Variants in ERC1 observed in about 807,000 individuals in gnomAD.
ERC1 encodes RAB6 interacting protein 2.
In ERC1, 56 loss-of-function variants were observed where a neutral mutation model predicts 132.0. The ratio of observed to expected loss-of-function variants is 0.42; its 90% CI spans 0.34 to 0.53. The LOEUF (loss-of-function observed/expected upper bound fraction) is 0.53, where lower values mean the gene tolerates loss of function less well. ERC1 is among the 20% of genes least tolerant of loss of function. ERC1 has a pLI of 0.03. For missense variants in ERC1, 1,202 were observed against 1,349.9 expected, an observed-to-expected ratio of 0.89 and a Z score of 1.72; for synonymous variants, 478 against 476.1, an observed-to-expected ratio of 1.00 and a Z score of -0.05.
chr12:1,427,337 G>T (rs962159931), intron 17 of ERC1, among the ~76,000 whole-genome samples: 1 of 152,134 alleles, frequency 6.6e-6, no homozygotes, highest in Non-Finnish European at 1.5e-5. Flanking sequence ...TTGGAGGAGA[G>T]ATTTATAGTC....
At chr12:1,138,095 C>CATATTATAATATAATTATATTTAATA (rs1335867512) in intron 7 of ERC1, among the ~76,000 whole-genome samples, 40 of 121,660 alleles carry the variant, frequency 3.3e-4, no homozygotes, top group Non-Finnish European at 5.8e-4. Context: ...AATATATAAT[C>CATATTATAATATAATTATATTTAATA]CATATTATAA....
chr12:1,274,368 A>C (rs1277244615), intron 14 of ERC1, among the ~76,000 whole-genome samples: 1 of 152,226 alleles, frequency 6.6e-6, no homozygotes, highest in Admixed American at 6.5e-5. Context: ...ATACTTTAAA[A>C]TTTGATCCAT....
intron 12 of ERC1, among the ~76,000 whole-genome samples, chr12:1,191,755 C>A (rs1324292386): frequency 6.6e-6 from 1 of 151,718 alleles, no homozygotes; most frequent in Non-Finnish European, 1.5e-5. Context: ...GAATGTAACT[C>A]TTATAAAAGT....
At chr12:1,219,998 A>C (rs954590145) in intron 12 of ERC1, among the ~76,000 whole-genome samples, 2 of 151,994 alleles carry the variant, frequency 1.3e-5, no homozygotes, top group Non-Finnish European at 2.9e-5. Flanking sequence ...GCTTCTTGCC[A>C]CCCCTGTAAC....
chr12:1,109,190 G>A (rs904699276), intron 4 of ERC1, among the ~76,000 whole-genome samples: 6 of 152,136 alleles, frequency 3.9e-5, no homozygotes, highest in East Asian at 1.9e-4. Flanking sequence ...TAGGTACTGC[G>A]ACAAACAAAA....
chr12:1,127,325 A>AT (rs1948298105), intron 7 of ERC1, among the ~76,000 whole-genome samples: 1 of 152,174 alleles, frequency 6.6e-6, no homozygotes, highest in Admixed American at 6.5e-5. Context: ...ACAAAAGGAC[A>AT]TGTATAAGGA....
At chr12:1,308,648 A>C (rs1460127011) in intron 15 of ERC1, among the ~76,000 whole-genome samples, 2 of 152,230 alleles carry the variant, frequency 1.3e-5, no homozygotes, top group Non-Finnish European at 2.9e-5. Flanking sequence ...CATATTAGTA[A>C]TAATAAATTG....
intron 12 of ERC1, among the ~76,000 whole-genome samples, chr12:1,222,083 G>T (rs943998864): frequency 4.6e-5 from 7 of 152,072 alleles, no homozygotes; most frequent in Non-Finnish European, 7.3e-5. Flanking sequence ...TTACACAGTG[G>T]CATTTGTGTA....
At chr12:1,488,070 G>T (rs1463027625) in intron 18 of ERC1, among the ~76,000 whole-genome samples, 2 of 151,288 alleles carry the variant, frequency 1.3e-5, no homozygotes, top group Admixed American at 6.6e-5. Flanking sequence ...CCTGGGAGGC[G>T]GAGGTTGCAG....
intron 2 of ERC1, among the ~76,000 whole-genome samples, chr12:1,035,473 T>G (rs140669699): frequency 1.4e-3 from 213 of 152,378 alleles, no homozygotes; most frequent in African/African-American, 4.7e-3. Context: ...GTTACTGAAC[T>G]TTCAAATACT....
chr12:1,076,109 A>C (rs1316568486), intron 2 of ERC1, among the ~76,000 whole-genome samples: 1 of 152,190 alleles, frequency 6.6e-6, no homozygotes, highest in Non-Finnish European at 1.5e-5. Flanking sequence ...TTGTTAATTT[A>C]AAATTTGTAA....
At chr12:1,468,991 C>G (rs144039035) in intron 18 of ERC1, among the ~76,000 whole-genome samples, 1 of 152,228 alleles carries the variant, frequency 6.6e-6, no homozygotes, top group Non-Finnish European at 1.5e-5. Flanking sequence ...GTTAACTCCT[C>G]TGCAGGATGC....
intron 12 of ERC1, among the ~76,000 whole-genome samples, chr12:1,230,406 T>G (rs889314154): frequency 5.3e-5 from 8 of 152,228 alleles, no homozygotes; most frequent in Admixed American, 5.2e-4. Context: ...CCTCCTATTA[T>G]TGATTTCTAA....
intron 18 of ERC1, among the ~76,000 whole-genome samples, chr12:1,458,486 ATATATGTG>A (rs1230256954): frequency 2.6e-5 from 4 of 151,440 alleles, no homozygotes; most frequent in African/African-American, 9.7e-5. Context: ...ATGTGTGTTT[ATATATGTG>A]TATATGTGTA....
In ERC1 at chr12:1,165,510, G is replaced by C. The variant is rs1029557171; in HGVS notation, c.1738-15030G>C. Among the ~76,000 whole-genome samples, 4 of 152,198 alleles carry C rather than the reference G, an allele frequency of 2.6e-5. No individual in the cohort carries two copies. In the East Asian group the frequency reaches 7.7e-4, roughly 29 times the overall value. The stretch of plus-strand genomic sequence containing the variant: ...TTTAGTAGAGACGGGGTTTCACCGT[G>C]TTAGCCAAGATGGTCTTGATCTCCT... On this transcript the variant is annotated intron_variant, in intron 8 of 18. Transcript: ENST00000360905.
At chr12:1,196,485 T>C (rs1413425271) in intron 12 of ERC1, among the ~76,000 whole-genome samples, 3 of 149,208 alleles carry the variant, frequency 2.0e-5, no homozygotes, top group Non-Finnish European at 4.4e-5. Flanking sequence ...GTTGGAAAGG[T>C]TTCTTATGTA....
chr12:1,275,567 G>A (rs1395705218), intron 14 of ERC1, among the ~76,000 whole-genome samples: 1 of 152,198 alleles, frequency 6.6e-6, no homozygotes, highest in African/African-American at 2.4e-5. Flanking sequence ...TGATGGCAAA[G>A]GAGATGGAGA....
Position 1,490,616 on chromosome 12 carries a change from A to C in ERC1, c.*386A>C, listed in dbSNP as rs1262383512. 3.8e-6 allele frequency: 1 copy of C among 260,284 alleles called. No individual in the cohort carries two copies. The highest frequency in any genetic ancestry group is 7.4e-6 in the Non-Finnish European group (1 of 134,476). The allele number at this position is 260,284 out of a possible 1,614,324, so 16.1% of individuals were successfully genotyped here. A position where few individuals can be genotyped will look rare whatever the true frequency, so the allele number is the denominator to read the frequency against. On this transcript the variant is annotated 3_prime_UTR_variant, in exon 19 of 19. Transcript: ENST00000360905. Reference sequence around the variant, plus strand: ...GAAACCAGGAATGGACTTGGAGTTCAACAGGCTGAGAGGATGCCTCCAATG... The same window carrying C: ...GAAACCAGGAATGGACTTGGAGTTCCACAGGCTGAGAGGATGCCTCCAATG...
chr12:1,080,134 A>G (rs944016446), intron 2 of ERC1, among the ~76,000 whole-genome samples: 1 of 152,242 alleles, frequency 6.6e-6, no homozygotes. Flanking sequence ...TTTTTTTATT[A>G]TGGTAAAATA....
Sources: gnomAD v4.1 joint callset for allele counts (sites outside exome capture counted in the v4.1 genomes callset) on GRCh38, gnomAD v4.1.1 for gene constraint, MANE v1.5 for transcripts, NCBI Gene and HGNC (gene_info 2026-07-23, HGNC 2026-07-21) for gene names.